Variants in LRRFIP1 observed in about 807,000 individuals in gnomAD.
LRRFIP1 encodes leucine-rich repeat flightless-interacting protein 1.
LRRFIP1 carries 62 observed loss-of-function variants against 104.4 expected under a neutral mutation model. The ratio of observed to expected loss-of-function variants is 0.59; its 90% CI spans 0.48 to 0.73. LRRFIP1 has a LOEUF of 0.73. LRRFIP1 is among the 30% of genes least tolerant of loss of function. LRRFIP1 has a pLI of 0.00. For synonymous variants in LRRFIP1, 300 were observed against 299.0 expected (o/e 1.00, Z -0.03); for missense variants, 796 against 824.5 (o/e 0.97, Z 0.42).
intron 6 of LRRFIP1, 164 bp downstream of exon 6, chr2:237,720,986 CT>C (rs2094518349): frequency 1.6e-6 from 1 of 638,918 alleles, no homozygotes; most frequent in Non-Finnish European, 2.8e-6. Flanking sequence ...GGGGATGTTT[CT>C]TTGTTGCTGT....
chr2:237,772,056 A>G (rs2060690495), intron 20 of LRRFIP1, 25 bp from the exon 21 acceptor site: 2 of 1,531,172 alleles, frequency 1.3e-6, no homozygotes, highest in Non-Finnish European at 1.8e-6. Flanking sequence ...AGAAATTAAC[A>G]GATTTTACTG....
rs1156954458 is a variant in LRRFIP1, at chr2:237,703,507, A to T, written c.97-5037A>T. Among the ~76,000 whole-genome samples the T allele has an allele frequency of 1.3e-5, 2 of 152,106 alleles. No individual in the cohort carries two copies. The highest frequency in any genetic ancestry group is 3.9e-4 in the East Asian group (2 of 5,184). On this transcript the variant is annotated intron_variant, in intron 1 of 23. Coordinates refer to ENST00000308482, the MANE Select transcript of LRRFIP1 (RefSeq NM_001137550.2). This position sits in a 1 kb window ranked among gnomAD's most constrained non-coding sequence, Gnocchi z 4.3. ...GTTCCAGATACGGAGGCTGAGGGCGAGGGTCTGCACCCCAGGCGTCTGCAC... is the reference window on the plus strand; with the variant it reads ...GTTCCAGATACGGAGGCTGAGGGCGTGGGTCTGCACCCCAGGCGTCTGCAC...
At chr2:237,739,671 G>A (rs1268279135) in intron 11 of LRRFIP1, among the ~76,000 whole-genome samples, 12 of 152,098 alleles carry the variant, frequency 7.9e-5, no homozygotes, top group African/African-American at 1.2e-4. Flanking sequence ...ATCCCGGGAC[G>A]CTCCCAGTTT....
chr2:237,775,325 C>G (rs10176913), intron 23 of LRRFIP1, among the ~76,000 whole-genome samples: 34,229 of 152,042 alleles, frequency 0.23, 4,232 homozygotes, highest in East Asian at 0.39. Flanking sequence ...CAGGGGAGCT[C>G]GGGGCAAGGC....
intron 10 of LRRFIP1, among the ~76,000 whole-genome samples, chr2:237,738,229 C>A (rs1335214713): frequency 6.6e-6 from 1 of 151,584 alleles, no homozygotes; most frequent in Non-Finnish European, 1.5e-5. Context: ...TTGAGCACCC[C>A]TGAAGATCTG....
chr2:237,750,667 A>G (rs996615721), intron 13 of LRRFIP1, among the ~76,000 whole-genome samples: 1 of 152,088 alleles, frequency 6.6e-6, no homozygotes, highest in Non-Finnish European at 1.5e-5. Context: ...AGAGCAGCAG[A>G]GTTGGCGGCA....
intron 7 of LRRFIP1, among the ~76,000 whole-genome samples, chr2:237,724,817 C>T (rs1044447643): frequency 6.0e-5 from 9 of 150,934 alleles, no homozygotes; most frequent in South Asian, 4.2e-4. Context: ...TTTTTTTTTT[C>T]GGTCTTAATT....
At chr2:237,638,467 C>T (rs2083417535) in intron 1 of LRRFIP1, among the ~76,000 whole-genome samples, 2 of 152,226 alleles carry the variant, frequency 1.3e-5, no homozygotes, top group Non-Finnish European at 2.9e-5. Flanking sequence ...CAGTTCCTAA[C>T]AGGCCATGGA....
At chr2:237,673,361 T>C (rs1310486008) in intron 1 of LRRFIP1, among the ~76,000 whole-genome samples, 1 of 151,080 alleles carries the variant, frequency 6.6e-6, no homozygotes, top group Non-Finnish European at 1.5e-5. Flanking sequence ...CCGGGGGGAG[T>C]CTGGACGTCA....
chr2:237,657,571 T>C (rs2087045334), intron 1 of LRRFIP1, among the ~76,000 whole-genome samples: 1 of 152,198 alleles, frequency 6.6e-6, no homozygotes, highest in African/African-American at 2.4e-5. Flanking sequence ...CAACATTCAC[T>C]ATTAGAAGAA....
chr2:237,771,589 G>T (rs1178727913), intron 20 of LRRFIP1, among the ~76,000 whole-genome samples: 1 of 117,304 alleles, frequency 8.5e-6, no homozygotes, highest in Non-Finnish European at 1.6e-5. Flanking sequence ...GGGACAACTG[G>T]ACATGTTTCT....
chr2:237,717,682 A>G lies in LRRFIP1; in HGVS notation c.202-80A>G, dbSNP rs538463780. On this transcript the variant is annotated intron_variant, in intron 3 of 23. Coordinates refer to ENST00000308482, the MANE Select transcript of LRRFIP1 (RefSeq NM_001137550.2). The surrounding 1 kb of genome is among the most constrained non-coding windows in gnomAD (Gnocchi z 4.2). Reference sequence around the variant, plus strand: ...CGGCTGGATGGCGGTTTGGAAATGCATGTCAGAACAGTGCCTTAGACAACT... The same window carrying G: ...CGGCTGGATGGCGGTTTGGAAATGCGTGTCAGAACAGTGCCTTAGACAACT... 5 of 1,070,216 alleles carry G rather than the reference A, an allele frequency of 4.7e-6. No individual in the cohort carries two copies. Among genetic ancestry groups the G allele is most frequent in the Middle Eastern group, 2.0e-4 (1 of 4,974 alleles). The allele number at this position is 1,070,216 out of a possible 1,614,324, so 66.3% of individuals were successfully genotyped here.
intron 1 of LRRFIP1, among the ~76,000 whole-genome samples, chr2:237,697,585 G>T (rs562363552): frequency 4.5e-4 from 69 of 152,312 alleles, no homozygotes; most frequent in African/African-American, 1.5e-3. Context: ...AATATCCACT[G>T]AATATAGGAA....
At chr2:237,628,059 G>C (rs2081843713) in intron 1 of LRRFIP1, among the ~76,000 whole-genome samples, 1 of 151,962 alleles carries the variant, frequency 6.6e-6, no homozygotes, top group South Asian at 2.1e-4. Context: ...GCCAGCGCGC[G>C]AGGTGGCCCG....
chr2:237,725,481 C>T (rs77307910), intron 7 of LRRFIP1, among the ~76,000 whole-genome samples: 2,980 of 152,216 alleles, frequency 0.02, 75 homozygotes, highest in African/African-American at 0.066. Context: ...TCTTATGCCA[C>T]GTAAAAACAG....
chr2:237,648,445 G>A (rs139917284), intron 1 of LRRFIP1, among the ~76,000 whole-genome samples: 17 of 151,910 alleles, frequency 1.1e-4, no homozygotes, highest in East Asian at 7.7e-4. Context: ...GATGCCTCAC[G>A]GCCAGGTGCC....
chr2:237,706,668 C>T (rs1434989926), intron 1 of LRRFIP1, among the ~76,000 whole-genome samples: 1 of 152,218 alleles, frequency 6.6e-6, no homozygotes, highest in African/African-American at 2.4e-5. Flanking sequence ...CACTCTGTCA[C>T]CCAGGCTGGA....
Position 237,766,651 on chromosome 2 carries a change from G to A in LRRFIP1, c.1460-3292G>A, listed in dbSNP as rs1236156236. 1.3e-5 allele frequency among the ~76,000 whole-genome samples: 2 copies of A among 152,298 alleles called. No homozygotes were observed. The highest frequency in any genetic ancestry group is 2.1e-4 in the South Asian group (1 of 4,830). ...GGTTTGATCACTTTGTACATGGAAG[G>A]CACTGTGCCAGTGAACAAGCAGTTG... On this transcript the variant is annotated intron_variant, in intron 19 of 23. Transcript: ENST00000308482. The surrounding 1 kb of genome is among the most constrained non-coding windows in gnomAD (Gnocchi z 4.8).
chr2:237,714,316 G>GT (rs1331776523), intron 3 of LRRFIP1, 40 bp downstream of exon 3: 7 of 1,556,794 alleles, frequency 4.5e-6, no homozygotes, highest in East Asian at 4.5e-5. Context: ...TGCATGTACT[G>GT]TTTTTTCCTT....
Sources: gnomAD v4.1 joint callset for allele counts (sites outside exome capture counted in the v4.1 genomes callset) on GRCh38, gnomAD v4.1.1 for gene constraint, Gnocchi (gnomAD v3.1) non-coding constraint, MANE v1.5 for transcripts, NCBI Gene and HGNC (gene_info 2026-07-23, HGNC 2026-07-21) for gene names.